Variants in SYNPR observed in about 807,000 individuals in gnomAD.
SYNPR encodes synaptoporin.
In SYNPR, 23 loss-of-function variants were observed where a neutral mutation model predicts 32.9. The observed-to-expected ratio is 0.70, with a 90% CI of 0.50 to 0.99. The LOEUF (loss-of-function observed/expected upper bound fraction) is 0.99. Among genes scored for constraint, SYNPR ranks in the 50% least tolerant of loss-of-function variants. SYNPR has a pLI of 0.00. For missense variants in SYNPR, 318 were observed against 349.3 expected (o/e 0.91, Z 0.71); for synonymous variants, 146 against 135.9 (o/e 1.07, Z -0.52).
chr3:63,529,253 A>G (rs960845349), intron 3 of SYNPR, among the ~76,000 whole-genome samples: 3 of 152,260 alleles, frequency 2.0e-5, no homozygotes, highest in Non-Finnish European at 2.9e-5. Context: ...ATATCCTCCC[A>G]TAACCTTTAA....
At chr3:63,340,629 C>T (rs976236401) in intron 2 of SYNPR, among the ~76,000 whole-genome samples, 3 of 151,694 alleles carry the variant, frequency 2.0e-5, no homozygotes, top group East Asian at 1.9e-4. Flanking sequence ...CCGTTTTAGC[C>T]GGGATGGTCT....
intron 5 of SYNPR, among the ~76,000 whole-genome samples, chr3:63,614,143 G>A (rs1700244273): frequency 6.6e-6 from 1 of 152,164 alleles, no homozygotes; most frequent in Non-Finnish European, 1.5e-5. Flanking sequence ...CGTGGCCACT[G>A]CCCAAGTCCA....
chr3:63,520,148 A>G (rs1701878360), intron 3 of SYNPR, among the ~76,000 whole-genome samples: 1 of 152,232 alleles, frequency 6.6e-6, no homozygotes, highest in Non-Finnish European at 1.5e-5. Flanking sequence ...CATGTCCCAC[A>G]CATAAGTCAT....
intron 3 of SYNPR, among the ~76,000 whole-genome samples, chr3:63,494,012 T>C (rs1346357793): frequency 3.3e-5 from 5 of 152,028 alleles, no homozygotes; most frequent in African/African-American, 4.8e-5. Context: ...TATGTTGTGT[T>C]TTAACATTGA....
At chr3:63,472,906 T>A (rs1412755076) in intron 2 of SYNPR, among the ~76,000 whole-genome samples, 2 of 152,140 alleles carry the variant, frequency 1.3e-5, no homozygotes, top group East Asian at 3.9e-4. Flanking sequence ...CTGTTATAAG[T>A]GCTCAACTTT....
intron 2 of SYNPR, among the ~76,000 whole-genome samples, chr3:63,386,723 C>T (rs2088051396): frequency 6.6e-6 from 1 of 152,050 alleles, no homozygotes; most frequent in Non-Finnish European, 1.5e-5. Flanking sequence ...AGATCAGCCT[C>T]CAGGGGAGGA....
chr3:63,464,661 T>G (rs962051962), intron 2 of SYNPR, among the ~76,000 whole-genome samples: 54 of 152,160 alleles, frequency 3.5e-4, no homozygotes, highest in African/African-American at 1.2e-3. Flanking sequence ...TCTGGGCAAC[T>G]ACTACTTGCA....
At chr3:63,202,345 T>A in the SYNPR span, among the ~76,000 whole-genome samples, 1 of 152,142 alleles carries the variant, frequency 6.6e-6, no homozygotes, top group Non-Finnish European at 1.5e-5. Flanking sequence ...TTAAAAATGG[T>A]TCATAAATAT....
chr3:63,382,235 G>A (rs1304578699), intron 2 of SYNPR, among the ~76,000 whole-genome samples: 1 of 152,196 alleles, frequency 6.6e-6, no homozygotes, highest in Non-Finnish European at 1.5e-5. Context: ...GGCTCCCAAG[G>A]TGATCTTCAT....
chr3:63,253,459 C>T (rs1377192326), intron 2 of SYNPR, among the ~76,000 whole-genome samples: 1 of 152,108 alleles, frequency 6.6e-6, no homozygotes, highest in Non-Finnish European at 1.5e-5. Context: ...TGAATAAATC[C>T]TAGTCTGTTA....
intron 2 of SYNPR, among the ~76,000 whole-genome samples, chr3:63,262,164 A>T (rs965953805): frequency 6.6e-6 from 1 of 152,188 alleles, no homozygotes; most frequent in African/African-American, 2.4e-5. Flanking sequence ...TAGAATGCAA[A>T]GCCTGAGGCA....
At chr3:63,558,121 T>C (rs1702623828) in intron 4 of SYNPR, among the ~76,000 whole-genome samples, 1 of 152,192 alleles carries the variant, frequency 6.6e-6, no homozygotes, top group Admixed American at 6.5e-5. Context: ...CCAGTTCCTC[T>C]TTCATTTCTC....
At chr3:63,385,387 G>T (rs528817381) in intron 2 of SYNPR, among the ~76,000 whole-genome samples, 2 of 152,226 alleles carry the variant, frequency 1.3e-5, no homozygotes, top group Admixed American at 6.5e-5. Context: ...AAAAATAATT[G>T]ATAAGGGAGT....
chr3:63,579,296 G>T (rs1253454537), intron 4 of SYNPR, among the ~76,000 whole-genome samples: 1 of 151,984 alleles, frequency 6.6e-6, no homozygotes, highest in Non-Finnish European at 1.5e-5. Context: ...CCTTCCTTCT[G>T]CCTGGAAGGC....
At chr3:63,389,575 T>TACCCA (rs1220305519) in intron 2 of SYNPR, among the ~76,000 whole-genome samples, 2 of 152,196 alleles carry the variant, frequency 1.3e-5, no homozygotes, top group African/African-American at 4.8e-5. Flanking sequence ...AGGTAAGGTA[T>TACCCA]CTGCATTGAC....
rs569002995 is a variant in SYNPR at position 63,468,053 on chromosome 3, G to A, written c.85-12779G>A. Among the ~76,000 whole-genome samples, 244 of 152,050 alleles carry A rather than the reference G, an allele frequency of 1.6e-3. 1 individual carries two copies. Among genetic ancestry groups the A allele is most frequent in the African/African-American group, 5.5e-3 (228 of 41,462 alleles). ...CATCTCTACTAAAAATACAAAATTAGCCAGGCGTGGTGGCACATGCGTCCC... is the reference window on the plus strand; with the variant it reads ...CATCTCTACTAAAAATACAAAATTAACCAGGCGTGGTGGCACATGCGTCCC... On this transcript the variant is annotated intron_variant, in intron 2 of 5. Coordinates refer to ENST00000478300, the MANE Select transcript of SYNPR (RefSeq NM_001130003.2).
At chr3:63,357,327 T>A (rs1352131068) in intron 2 of SYNPR, among the ~76,000 whole-genome samples, 2 of 152,088 alleles carry the variant, frequency 1.3e-5, no homozygotes, top group African/African-American at 4.8e-5. Context: ...GCATGGCCTT[T>A]CTCTCTCTTT....
At chr3:63,301,438 A>AT (rs911574745) in intron 2 of SYNPR, among the ~76,000 whole-genome samples, 15 of 152,154 alleles carry the variant, frequency 9.9e-5, no homozygotes, top group African/African-American at 3.6e-4. Context: ...AGACTCCATT[A>AT]TAAGGCTTTA....
In SYNPR at chr3:63,595,873, AAT is replaced by A. The variant is rs869171357; in HGVS notation, c.409-13251_409-13250del. On this transcript the variant is annotated intron_variant, in intron 4 of 5. Transcript: ENST00000478300. Reference sequence around the variant, plus strand: ...TATATATATATAGTTATATATATATAATTTTATATATATATAGTTTTATATAT... The same window carrying A: ...TATATATATATAGTTATATATATATATTTATATATATATAGTTTTATATAT... 7.0e-4 allele frequency among the ~76,000 whole-genome samples: 63 copies of A among 89,628 alleles called. 1 individual carries two copies. The highest frequency in any genetic ancestry group is 1.1e-3 in the South Asian group (3 of 2,666). 58.8% of individuals were successfully genotyped at this position (89,628 alleles called of 152,430 possible). A position where few individuals can be genotyped will look rare whatever the true frequency, so the allele number is the denominator to read the frequency against.
Sources: gnomAD v4.1 joint callset for allele counts (sites outside exome capture counted in the v4.1 genomes callset) on GRCh38, gnomAD v4.1.1 for gene constraint, MANE v1.5 for transcripts, NCBI Gene and HGNC (gene_info 2026-07-23, HGNC 2026-07-21) for gene names.